Variants in LTBP1 observed in about 807,000 individuals in gnomAD.
LTBP1 encodes the protein latent transforming growth factor beta binding protein 1.
In LTBP1, 129 loss-of-function variants were observed where a neutral mutation model predicts 207.6. That is an observed-to-expected ratio of 0.62 (90% CI 0.54 to 0.72). LTBP1 has a LOEUF of 0.72. Ranked by LOEUF, LTBP1 falls within the 30% of genes least tolerant of loss-of-function variation. The pLI, the probability that LTBP1 is intolerant of heterozygous loss-of-function variation, is 0.00. For missense variants in LTBP1, 2,281 were observed against 2,217.2 expected (o/e 1.03, Z -0.58); for synonymous variants, 963 against 833.7 (o/e 1.16, Z -2.67).
At position 32,998,512 on chromosome 2, in the gene LTBP1, TAAAAAAAAAAAA is replaced by T. The variant is rs769287082; in HGVS notation, c.566-22374_566-22363del. On this transcript the variant is annotated intron_variant, in intron 2 of 33. Coordinates refer to ENST00000404816, the MANE Select transcript of LTBP1 (RefSeq NM_206943.4). Reference sequence around the variant, plus strand: ...CTGGCAACAGAGTGAGACTCCATCTTAAAAAAAAAAAAAAAAAAAAAAAAAAAAAAAAAAGGT... The same window carrying T: ...CTGGCAACAGAGTGAGACTCCATCTTAAAAAAAAAAAAAAAAAAAAAAGGT... 4.3e-3 allele frequency among the ~76,000 whole-genome samples: 127 copies of T among 29,264 alleles called. 1 individual carries two copies. Among genetic ancestry groups the T allele is most frequent in the African/African-American group, 0.011 (123 of 11,670 alleles). The allele number at this position is 29,264 out of a possible 152,430, so 19.2% of individuals were successfully genotyped here. A position where few individuals can be genotyped will look rare whatever the true frequency, so the allele number is the denominator to read the frequency against.
chr2:33,277,903 C>T (rs966922168), intron 18 of LTBP1, among the ~76,000 whole-genome samples: 3 of 148,038 alleles, frequency 2.0e-5, no homozygotes, highest in Non-Finnish European at 4.4e-5. Context: ...GATCTCAGCT[C>T]ACTGCAAGCT....
At chr2:33,298,283 A>C (rs972369803) in intron 20 of LTBP1, among the ~76,000 whole-genome samples, 8 of 152,200 alleles carry the variant, frequency 5.3e-5, no homozygotes, top group Non-Finnish European at 1.2e-4. Flanking sequence ...AAGTTATTCC[A>C]AGTGTATGTG....
chr2:33,389,563 G>A (rs866726784), intron 32 of LTBP1, among the ~76,000 whole-genome samples: 15 of 152,120 alleles, frequency 9.9e-5, no homozygotes, highest in African/African-American at 3.6e-4. Flanking sequence ...GCAACACAAT[G>A]AGACCCTATC....
intron 26 of LTBP1, among the ~76,000 whole-genome samples, chr2:33,347,794 G>A (rs552430184): frequency 6.6e-6 from 1 of 152,298 alleles, no homozygotes; most frequent in South Asian, 2.1e-4. Context: ...GCTGGGGATT[G>A]CTTAAAACTT....
chr2:33,149,045 T>C (rs1256788491), intron 5 of LTBP1, among the ~76,000 whole-genome samples: 1 of 151,796 alleles, frequency 6.6e-6, no homozygotes, highest in Non-Finnish European at 1.5e-5. Context: ...AAACCCCGTC[T>C]CTACTAAAAT....
At position 33,262,840 on chromosome 2, in the gene LTBP1, T is replaced by C. The variant is rs1239674359; in HGVS notation, c.2518+19T>C. 2 of 1,547,704 alleles carry C rather than the reference T, an allele frequency of 1.3e-6. No individual in the cohort carries two copies. Among genetic ancestry groups the C allele is most frequent in the African/African-American group, 2.8e-5 (2 of 72,566 alleles). ...TTTCCAGGTAGCCTGTGTTGATCTG[T>C]GCTGTTTGTCAGAGTATTCTGAATA... On this transcript the variant is annotated intron_variant, in intron 14 of 33. Transcript: ENST00000404816.
intron 15 of LTBP1, among the ~76,000 whole-genome samples, chr2:33,268,742 A>G (rs760940605): frequency 8.5e-5 from 13 of 152,362 alleles, no homozygotes; most frequent in South Asian, 2.1e-4. Flanking sequence ...GGGACAATCT[A>G]TGCTCACTGT....
At chr2:33,200,038 T>C (rs1182887020) in intron 7 of LTBP1, among the ~76,000 whole-genome samples, 1 of 152,056 alleles carries the variant, frequency 6.6e-6, no homozygotes, top group Non-Finnish European at 1.5e-5. Context: ...ATCGTGAAAA[T>C]GGCCATACTG....
chr2:33,218,949 T>C (rs920052539), intron 8 of LTBP1, among the ~76,000 whole-genome samples: 2 of 152,238 alleles, frequency 1.3e-5, no homozygotes, highest in African/African-American at 2.4e-5. Flanking sequence ...TAAACCTCTA[T>C]ATTCAATCTA....
intron 3 of LTBP1, among the ~76,000 whole-genome samples, chr2:33,070,522 G>A (rs1189248340): frequency 1.3e-5 from 2 of 152,206 alleles, no homozygotes; most frequent in Non-Finnish European, 2.9e-5. Flanking sequence ...CACCTAAGCG[G>A]ATACCTCTTT....
intron 26 of LTBP1, among the ~76,000 whole-genome samples, chr2:33,355,661 T>G (rs918276734): frequency 6.6e-6 from 1 of 152,134 alleles, no homozygotes; most frequent in African/African-American, 2.4e-5. Flanking sequence ...TTCTTCCCCC[T>G]GCTTTTCCAC....
intron 3 of LTBP1, among the ~76,000 whole-genome samples, chr2:33,025,943 A>G (rs1236340669): frequency 6.6e-6 from 1 of 152,180 alleles, no homozygotes; most frequent in Non-Finnish European, 1.5e-5. Flanking sequence ...ACCTAATGCT[A>G]TGATATCTCC....
Position 33,086,628 on chromosome 2 carries a change from A to G in LTBP1, c.864-23954A>G, listed in dbSNP as rs115959958. On this transcript the variant is annotated intron_variant, in intron 3 of 33. Transcript: ENST00000404816. ...ACTAGTGAACACAGGGTTCAGCTGTAAGACTTCTGGGCAGCACCGCACGGT... is the reference window on the plus strand; with the variant it reads ...ACTAGTGAACACAGGGTTCAGCTGTGAGACTTCTGGGCAGCACCGCACGGT... 3.4e-3 allele frequency among the ~76,000 whole-genome samples: 522 copies of G among 152,332 alleles called. 3 individuals carry two copies. Among genetic ancestry groups the G allele is most frequent in the African/African-American group, 0.011 (476 of 41,572 alleles).
intron 22 of LTBP1, among the ~76,000 whole-genome samples, chr2:33,303,586 G>A (rs979440423): frequency 6.6e-6 from 1 of 152,012 alleles, no homozygotes; most frequent in Non-Finnish European, 1.5e-5. Flanking sequence ...TCCTGACCTC[G>A]TGATCCGCCC....
At chr2:32,963,794 C>A (rs1230431864) in intron 2 of LTBP1, among the ~76,000 whole-genome samples, 1 of 152,082 alleles carries the variant, frequency 6.6e-6, no homozygotes, top group African/African-American at 2.4e-5. Flanking sequence ...AAATTGGAAC[C>A]CCTGGTAGTA....
At chr2:33,078,805 G>A (rs2078220851) in intron 3 of LTBP1, among the ~76,000 whole-genome samples, 1 of 151,408 alleles carries the variant, frequency 6.6e-6, no homozygotes, top group Non-Finnish European at 1.5e-5. Flanking sequence ...CTGTGTTATT[G>A]GGATAGAATA....
chr2:33,233,090 C>A (rs867723394), intron 9 of LTBP1, among the ~76,000 whole-genome samples: 1 of 152,074 alleles, frequency 6.6e-6, no homozygotes, highest in South Asian at 2.1e-4. Context: ...TCATGTCTTT[C>A]CTCAAATTTG....
chr2:33,333,859 C>T (rs1228549953), intron 24 of LTBP1, among the ~76,000 whole-genome samples: 1 of 151,620 alleles, frequency 6.6e-6, no homozygotes, highest in Non-Finnish European at 1.5e-5. Flanking sequence ...CAAGAGAGAT[C>T]ATAGAATGAG....
intron 7 of LTBP1, among the ~76,000 whole-genome samples, chr2:33,200,568 A>C (rs1325270216): frequency 6.6e-6 from 1 of 152,098 alleles, no homozygotes; most frequent in Non-Finnish European, 1.5e-5. Flanking sequence ...AGGCTTGGGC[A>C]AGGACTTCCT....
Sources: allele counts gnomAD v4.1 joint callset (sites outside exome capture counted in the v4.1 genomes callset), GRCh38; gene constraint gnomAD v4.1.1; transcripts MANE v1.5; gene names NCBI Gene and HGNC (gene_info 2026-07-23, HGNC 2026-07-21).